RIN3: variants seen among roughly 807,000 people sequenced by gnomAD.
The protein encoded by RIN3 is Ras and Rab interactor 3.
A neutral mutation model predicts 76.3 loss-of-function variants in RIN3; 54 were observed. The ratio of observed to expected loss-of-function variants is 0.71; its 90% CI spans 0.57 to 0.89. RIN3 has a LOEUF of 0.89. Ranked by LOEUF, RIN3 falls within the 40% of genes least tolerant of loss-of-function variation. The pLI, the probability that RIN3 is intolerant of heterozygous loss-of-function variation, is 0.00. For missense variants in RIN3, 1,256 were observed against 1,322.1 expected, an observed-to-expected ratio of 0.95 and a Z score of 0.78; for synonymous variants, 576 against 564.0, an observed-to-expected ratio of 1.02 and a Z score of -0.30.
chr14:92,617,622 A>G (rs1388711736), intron 4 of RIN3, among the ~76,000 whole-genome samples: 1 of 152,246 alleles, frequency 6.6e-6, no homozygotes, highest in African/African-American at 2.4e-5. Flanking sequence ...TGGGAGGATA[A>G]TAGTAAGAAA....
At position 92,568,006 on chromosome 14, in the gene RIN3, T is replaced by C. The variant is rs1053322654; in HGVS notation, c.250-9354T>C. On this transcript the variant is annotated intron_variant, in intron 2 of 9. Coordinates refer to ENST00000216487, the MANE Select transcript of RIN3 (RefSeq NM_024832.5). The surrounding 1 kb of genome is among the most constrained non-coding windows in gnomAD (Gnocchi z 4.2). ...CAATTCTCACAGCAACCCTGAATGA[T>C]GGATATTATTGTCCTCATGTTTAGA... Among the ~76,000 whole-genome samples the C allele has an allele frequency of 6.6e-6, 1 of 152,178 alleles. No homozygotes were observed. Among genetic ancestry groups the C allele is most frequent in the African/African-American group, 2.4e-5 (1 of 41,430 alleles).
At chr14:92,548,144 C>T (rs745381) in intron 1 of RIN3, among the ~76,000 whole-genome samples, 43,480 of 152,062 alleles carry the variant, frequency 0.29, 6,736 homozygotes, top group Middle Eastern at 0.4. Flanking sequence ...ATTTCTATGT[C>T]ACTGTGTGTG....
At chr14:92,592,211 G>A (rs1209371292) in intron 3 of RIN3, among the ~76,000 whole-genome samples, 2 of 152,164 alleles carry the variant, frequency 1.3e-5, no homozygotes, top group South Asian at 4.2e-4. Context: ...AGACCAGCCT[G>A]GCCAACATGG....
intron 3 of RIN3, among the ~76,000 whole-genome samples, chr14:92,610,215 C>A (rs565774562): frequency 6.6e-6 from 1 of 152,112 alleles, no homozygotes; most frequent in African/African-American, 2.4e-5. Context: ...CTGAACTGTA[C>A]ACTTAAAAAT....
At chr14:92,542,354 A>G (rs1334369490) in intron 1 of RIN3, among the ~76,000 whole-genome samples, 1 of 152,170 alleles carries the variant, frequency 6.6e-6, no homozygotes, top group Non-Finnish European at 1.5e-5. Context: ...GCAAATCAAA[A>G]CCGCAATGAG....
chr14:92,644,296 C>G (rs1414047206), intron 5 of RIN3: 1 of 152,226 alleles, frequency 6.6e-6, no homozygotes, highest in Non-Finnish European at 1.5e-5. Context: ...TGCTGCACCT[C>G]TTGACCCCGC....
chr14:92,642,769 C>T (rs1442890358), intron 5 of RIN3, among the ~76,000 whole-genome samples: 1 of 152,012 alleles, frequency 6.6e-6, no homozygotes, highest in Non-Finnish European at 1.5e-5. Flanking sequence ...CAAGAGACAC[C>T]ACCAGGCAGC....
intron 1 of RIN3, among the ~76,000 whole-genome samples, chr14:92,523,265 C>A (rs1386232523): frequency 6.6e-6 from 1 of 152,142 alleles, no homozygotes; most frequent in Non-Finnish European, 1.5e-5. Context: ...TGCCTGCCAC[C>A]ACTCTTGGCT....
chr14:92,688,061 C>A lies in RIN3; in HGVS notation c.2767C>A (p.Leu923Met). ...GGTGGAGCGGCCGCAGGCGCACCGG[C>A]TGTTCGTGCTGGTGGACGGGCGCTG... ...FAVERPQAHR[L>M]FVLVDGRCFQ... The change falls in exon 10 of 10, where the codon CTG becomes ATG. Residue 923 changes from leucine to methionine, a missense_variant. Leu to Met is a conservative substitution (Grantham distance 15). This residue lies in a region of RIN3 where 218 missense variants were observed against 174.5 expected (regional missense o/e 1.25). Transcript: ENST00000216487. 6.2e-7 allele frequency: 1 copy of A among 1,603,658 alleles called. No homozygotes were observed. The highest frequency in any genetic ancestry group is 1.7e-4 in the Middle Eastern group (1 of 6,022).
intron 2 of RIN3, among the ~76,000 whole-genome samples, chr14:92,571,809 CA>C (rs1292540193): frequency 1.3e-5 from 2 of 152,182 alleles, no homozygotes; most frequent in African/African-American, 4.8e-5. Flanking sequence ...AGATACAGCA[CA>C]GGAACCACCA....
intron 6 of RIN3, among the ~76,000 whole-genome samples, chr14:92,655,087 C>A (rs1046333870): frequency 6.6e-6 from 1 of 152,064 alleles, no homozygotes; most frequent in Non-Finnish European, 1.5e-5. Context: ...ATTGCTTGAA[C>A]CAGGGAGGCA....
At chr14:92,668,706 T>C (rs1244685876) in intron 7 of RIN3, among the ~76,000 whole-genome samples, 12 of 152,114 alleles carry the variant, frequency 7.9e-5, no homozygotes, top group Admixed American at 7.2e-4. Context: ...ACTAGATCAG[T>C]AGTTTTCAAA....
chr14:92,595,875 G>T (rs1330868962), intron 3 of RIN3, among the ~76,000 whole-genome samples: 1 of 152,220 alleles, frequency 6.6e-6, no homozygotes, highest in African/African-American at 2.4e-5. Flanking sequence ...CTGGTCCAGA[G>T]GAAGCCACAT....
In RIN3 at chr14:92,656,172, G is replaced by T. The variant is rs796930661; in HGVS notation, c.2027-2989G>T. ...GAGTTGGGGGAGTGTAAGAGCTGAG[G>T]CCCAAAGGAGGAGTCAGGGATGCTA... On this transcript the variant is annotated intron_variant, in intron 6 of 9. Transcript: ENST00000216487. This position sits in a 1 kb window ranked among gnomAD's most constrained non-coding sequence, Gnocchi z 5.2. Among the ~76,000 whole-genome samples, 2 of 152,298 alleles carry T rather than the reference G, an allele frequency of 1.3e-5. No individual in the cohort carries two copies. Among genetic ancestry groups the T allele is most frequent in the Non-Finnish European group, 2.9e-5 (2 of 68,022 alleles).
At chr14:92,579,527 T>G (rs1898370544) in intron 3 of RIN3, among the ~76,000 whole-genome samples, 1 of 152,218 alleles carries the variant, frequency 6.6e-6, no homozygotes, top group Non-Finnish European at 1.5e-5. Context: ...TGCCAGGCAT[T>G]CAGATCCAAA....
intron 1 of RIN3, among the ~76,000 whole-genome samples, chr14:92,529,450 A>G (rs915562618): frequency 6.6e-6 from 1 of 151,834 alleles, no homozygotes; most frequent in Non-Finnish European, 1.5e-5. Flanking sequence ...GGGTTTCACT[A>G]TGTTGGCCAG....
At chr14:92,527,529 A>G (rs1351433719) in intron 1 of RIN3, among the ~76,000 whole-genome samples, 1 of 152,156 alleles carries the variant, frequency 6.6e-6, no homozygotes, top group African/African-American at 2.4e-5. Flanking sequence ...AACAAACTGT[A>G]ATTTACACGG....
intron 1 of RIN3, among the ~76,000 whole-genome samples, chr14:92,546,431 C>A (rs377073704): frequency 6.6e-6 from 1 of 152,146 alleles, no homozygotes; most frequent in Non-Finnish European, 1.5e-5. Flanking sequence ...TTTACTATAG[C>A]CACTCCACTG....
At chr14:92,665,337 C>T (rs1888048621) in intron 7 of RIN3, among the ~76,000 whole-genome samples, 1 of 146,390 alleles carries the variant, frequency 6.8e-6, no homozygotes, top group African/African-American at 2.5e-5. Flanking sequence ...GTTCATTATG[C>T]GTTGCGTGAC....
Sources: gnomAD v4.1 joint callset for allele counts (sites outside exome capture counted in the v4.1 genomes callset) on GRCh38, gnomAD v4.1.1 for gene constraint, gnomAD v4.1.1 regional missense constraint, Gnocchi (gnomAD v3.1) non-coding constraint, MANE v1.5 for transcripts, NCBI Gene and HGNC (gene_info 2026-07-23, HGNC 2026-07-21) for gene names.